The following GPHN variants were observed in gnomAD, a reference collection of about 807,000 sequenced individuals.
GPHN encodes the protein gephyrin.
In GPHN, 17 loss-of-function variants were observed where a neutral mutation model predicts 95.5. The observed-to-expected ratio is 0.18, with a 90% confidence interval of 0.12 to 0.27. The LOEUF (loss-of-function observed/expected upper bound fraction) is 0.27, where lower values mean the gene tolerates loss of function less well. GPHN is among the 10% of genes least tolerant of loss of function. The pLI is 1.00. For missense variants in GPHN, 660 were observed against 978.1 expected (o/e 0.67, Z 4.34); for synonymous variants, 320 against 322.5 (o/e 0.99, Z 0.08).
the GPHN span, chr14:67,642,115 T>G: frequency 7.0e-7 from 1 of 1,438,692 alleles, no homozygotes; most frequent in African/African-American, 1.4e-5. Flanking sequence ...GTATTATCAT[T>G]GTGGCCCAGG....
intron 1 of GPHN, among the ~76,000 whole-genome samples, chr14:66,531,554 C>T (rs1390660226): frequency 6.6e-6 from 1 of 152,174 alleles, no homozygotes; most frequent in Non-Finnish European, 1.5e-5. Flanking sequence ...ATGAATAATG[C>T]AGTCTTCCCA....
At chr14:67,517,853 G>C in the GPHN span, among the ~76,000 whole-genome samples, 132 of 152,344 alleles carry the variant, frequency 8.7e-4, no homozygotes, top group Non-Finnish European at 1.5e-3. Context: ...GCAAAATGCA[G>C]TTCAAACTCA....
intron 17 of GPHN, among the ~76,000 whole-genome samples, chr14:67,138,457 T>C (rs748808253): frequency 2.0e-5 from 3 of 152,154 alleles, no homozygotes; most frequent in Non-Finnish European, 2.9e-5. Context: ...CTCTCTATTA[T>C]ATTATTCATG....
chr14:67,491,074 G>A, the GPHN span, among the ~76,000 whole-genome samples: 9 of 152,270 alleles, frequency 5.9e-5, no homozygotes, highest in Admixed American at 2.0e-4. Context: ...CAAGTAGATC[G>A]TCACCTATAC....
intron 10 of GPHN, among the ~76,000 whole-genome samples, chr14:67,039,051 T>C (rs976428425): frequency 6.6e-6 from 1 of 152,172 alleles, no homozygotes; most frequent in African/African-American, 2.4e-5. Context: ...CAGTCAAGTA[T>C]TACATTTTAA....
At chr14:66,996,244 A>G (rs2071785395) in intron 9 of GPHN, 3 of 1,392,164 alleles carry the variant, frequency 2.2e-6, no homozygotes, top group Admixed American at 2.0e-5. Context: ...GTTTTCTTAC[A>G]TGGTCAATAA....
intron 3 of GPHN, among the ~76,000 whole-genome samples, chr14:66,790,481 T>A (rs1287861341): frequency 1.3e-5 from 2 of 152,332 alleles, no homozygotes; most frequent in East Asian, 1.9e-4. Context: ...TTGAAATGGC[T>A]TTTAAATGCT....
At chr14:67,269,994 A>G in the GPHN span, 6 of 152,222 alleles carry the variant, frequency 3.9e-5, no homozygotes, top group Admixed American at 3.3e-4. Context: ...ACTAGTGTAG[A>G]CTGAACATGT....
chr14:66,771,040 C>T (rs1407662907), intron 2 of GPHN, among the ~76,000 whole-genome samples: 1 of 152,126 alleles, frequency 6.6e-6, no homozygotes, highest in East Asian at 1.9e-4. Flanking sequence ...TCAGTTCTTT[C>T]ACCATCTTTC....
At chr14:66,568,831 G>A (rs1386142208) in intron 1 of GPHN, among the ~76,000 whole-genome samples, 3 of 151,798 alleles carry the variant, frequency 2.0e-5, no homozygotes, top group African/African-American at 7.3e-5. Flanking sequence ...ATAATATATT[G>A]AATTTTTATA....
At chr14:67,112,877 T>G (rs2078458729) in intron 15 of GPHN, 141 bp from the exon 16 acceptor site, 1 of 714,352 alleles carries the variant, frequency 1.4e-6, no homozygotes, top group African/African-American at 1.8e-5. Context: ...TAGAATCCCT[T>G]CAATTCATTG....
rs534037212 is a variant in GPHN, at chr14:66,520,358, T to G, written c.64+11767T>G. Among the ~76,000 whole-genome samples, 31 of 152,312 alleles carry G rather than the reference T, an allele frequency of 2.0e-4. 1 individual carries two copies. Among genetic ancestry groups the G allele is most frequent in the Admixed American group, 1.8e-3 (28 of 15,298 alleles). Reference sequence around the variant, plus strand: ...ATTAGCTTTTTAGCTTTACAAGTTCTTTTGAATATACTTCTTGAGTTACAC... The same window carrying G: ...ATTAGCTTTTTAGCTTTACAAGTTCGTTTGAATATACTTCTTGAGTTACAC... On this transcript the variant is annotated intron_variant, in intron 1 of 22. Transcript: ENST00000478722.
chr14:67,324,029 G>A, the GPHN span, among the ~76,000 whole-genome samples: 9 of 152,156 alleles, frequency 5.9e-5, no homozygotes, highest in African/African-American at 1.9e-4. Flanking sequence ...ACCTTTGAGC[G>A]TCTTCACATG....
At chr14:67,563,802 C>T in the GPHN span, among the ~76,000 whole-genome samples, 3 of 146,122 alleles carry the variant, frequency 2.1e-5, no homozygotes, top group East Asian at 4.1e-4. Flanking sequence ...AGCACGGTCT[C>T]GGCTCACTGC....
At chr14:67,398,542 C>A in the GPHN span, among the ~76,000 whole-genome samples, 1 of 151,576 alleles carries the variant, frequency 6.6e-6, no homozygotes, top group Non-Finnish European at 1.5e-5. Flanking sequence ...ACCTGAGAAC[C>A]AACTAAACTA....
At chr14:66,736,725 C>T (rs537778115) in intron 2 of GPHN, among the ~76,000 whole-genome samples, 2 of 152,156 alleles carry the variant, frequency 1.3e-5, no homozygotes, top group Non-Finnish European at 2.9e-5. Flanking sequence ...GTTTTCTTGC[C>T]TGTGTGCCTT....
chr14:67,424,027 C>T, the GPHN span, among the ~76,000 whole-genome samples: 1 of 152,118 alleles, frequency 6.6e-6, no homozygotes, highest in Non-Finnish European at 1.5e-5. Flanking sequence ...CACCTGAGGT[C>T]GGGAGTTCAA....
the GPHN span, among the ~76,000 whole-genome samples, chr14:67,269,106 A>G: frequency 2.0e-5 from 3 of 152,288 alleles, no homozygotes; most frequent in East Asian, 1.9e-4. Context: ...GATATTTCAT[A>G]AATAGAATCA....
chr14:66,916,519 G>GTTTT (rs1357599880), intron 6 of GPHN, among the ~76,000 whole-genome samples: 3 of 55,914 alleles, frequency 5.4e-5, no homozygotes, highest in African/African-American at 2.0e-4. Flanking sequence ...TTTTTGTTTT[G>GTTTT]TTTTGTTTTT....
Sources: allele counts gnomAD v4.1 joint callset (sites outside exome capture counted in the v4.1 genomes callset), GRCh38; gene constraint gnomAD v4.1.1; transcripts MANE v1.5; gene names NCBI Gene and HGNC (gene_info 2026-07-23, HGNC 2026-07-21).